Variants in KDM2A observed in about 807,000 individuals in gnomAD.
KDM2A encodes lysine demethylase 2A.
KDM2A carries 3 observed loss-of-function variants against 137.3 expected under a neutral mutation model. The observed-to-expected ratio is 0.02, with a 90% CI of 0.01 to 0.06. KDM2A has a LOEUF of 0.06. Ranked by LOEUF, KDM2A falls within the 10% of genes least tolerant of loss-of-function variation. The probability of loss-of-function intolerance (pLI) is 1.00; values close to 1 mark genes in which losing one functional copy is unlikely to be tolerated. For synonymous variants in KDM2A, 512 were observed against 541.5 expected (o/e 0.95, Z 0.76); for missense variants, 738 against 1,510.6 (o/e 0.49, Z 8.48).
chr11:67,230,717 C>G (rs1232291602), intron 11 of KDM2A, among the ~76,000 whole-genome samples: 1 of 151,480 alleles, frequency 6.6e-6, no homozygotes, highest in African/African-American at 2.4e-5. Flanking sequence ...TTGTACTGTT[C>G]AGTTGTTATC....
At chr11:67,209,530 G>C (rs943734649) in intron 6 of KDM2A, among the ~76,000 whole-genome samples, 6 of 151,546 alleles carry the variant, frequency 4.0e-5, no homozygotes, top group African/African-American at 1.5e-4. Context: ...TGCAGCCTCC[G>C]CCTCCCAGGT....
chr11:67,228,505 A>G (rs1480443821), intron 11 of KDM2A, among the ~76,000 whole-genome samples: 1 of 152,010 alleles, frequency 6.6e-6, no homozygotes, highest in Non-Finnish European at 1.5e-5. Flanking sequence ...AGCCTGGGAA[A>G]CATGGCAAAA....
At position 67,143,657 on chromosome 11, in the gene KDM2A, G is replaced by A. The variant is rs76863019; in HGVS notation, c.42+22299G>A. ...TTTATTTATTTATTTTTTTGAGATA[G>A]GGTCTCACTCCATCTCCCAGGCTGG... On this transcript the variant is annotated intron_variant, in intron 2 of 20. Transcript: ENST00000529006. Among the ~76,000 whole-genome samples, 1,152 of 151,330 alleles carry A rather than the reference G, an allele frequency of 7.6e-3. 16 individuals are homozygous for A. Among genetic ancestry groups the A allele is most frequent in the Middle Eastern group, 0.034 (10 of 294 alleles).
At chr11:67,122,255 A>C (rs1855613152) in intron 2 of KDM2A, among the ~76,000 whole-genome samples, 1 of 152,218 alleles carries the variant, frequency 6.6e-6, no homozygotes, top group Non-Finnish European at 1.5e-5. Context: ...GACTGAATTT[A>C]GGAGAAAAAG....
intron 10 of KDM2A, among the ~76,000 whole-genome samples, chr11:67,225,801 A>G (rs1858524183): frequency 6.6e-6 from 1 of 151,864 alleles, no homozygotes; most frequent in Admixed American, 6.6e-5. Flanking sequence ...ACGGTGGCTC[A>G]TGCCTGTAAT....
At chr11:67,237,163 A>T (rs1372503756) in intron 12 of KDM2A, among the ~76,000 whole-genome samples, 2 of 152,212 alleles carry the variant, frequency 1.3e-5, no homozygotes, top group Non-Finnish European at 2.9e-5. Context: ...GAAAATTGTT[A>T]TTTGTGATGT....
chr11:67,213,133 C>T (rs1051282209), intron 6 of KDM2A, among the ~76,000 whole-genome samples: 8 of 152,210 alleles, frequency 5.3e-5, no homozygotes, highest in South Asian at 2.1e-4. Flanking sequence ...TCTAAACACT[C>T]TCCCACAGTT....
intron 2 of KDM2A, among the ~76,000 whole-genome samples, chr11:67,144,928 T>C (rs1856208778): frequency 6.6e-6 from 1 of 151,568 alleles, no homozygotes; most frequent in Non-Finnish European, 1.5e-5. Context: ...GGAGTGCCAG[T>C]GGCGCAATCT....
chr11:67,199,106 A>G (rs1590774952), intron 5 of KDM2A, among the ~76,000 whole-genome samples: 1 of 152,112 alleles, frequency 6.6e-6, no homozygotes, highest in Admixed American at 6.5e-5. Context: ...CATTACTATT[A>G]TACTTGTTTT....
intron 2 of KDM2A, among the ~76,000 whole-genome samples, chr11:67,158,093 C>G (rs940614379): frequency 1.3e-5 from 2 of 150,558 alleles, no homozygotes; most frequent in African/African-American, 4.8e-5. Flanking sequence ...CTGTGCACCA[C>G]TTATTCATCC....
chr11:67,252,633 C>T lies in KDM2A; in HGVS notation c.2769-61C>T, dbSNP rs770078713. On this transcript the variant is annotated intron_variant, in intron 17 of 20. Coordinates refer to ENST00000529006, the MANE Select transcript of KDM2A (RefSeq NM_012308.3). Reference sequence around the variant, plus strand: ...GCTTTTCCCAGAAGCCATAAGCAGCCTGTGATGGGAGCTCCACTGATCAAG... The same window carrying T: ...GCTTTTCCCAGAAGCCATAAGCAGCTTGTGATGGGAGCTCCACTGATCAAG... The T allele has an allele frequency of 3.8e-6, 6 of 1,577,502 alleles. No individual in the cohort carries two copies. The African/African-American group carries it at 4.0e-5, about 11-fold the overall frequency.
intron 2 of KDM2A, among the ~76,000 whole-genome samples, chr11:67,126,621 T>C (rs564129952): frequency 1.3e-5 from 2 of 151,422 alleles, no homozygotes; most frequent in South Asian, 4.2e-4. Flanking sequence ...GACAGGAGAA[T>C]TGCTTGAACT....
intron 6 of KDM2A, among the ~76,000 whole-genome samples, chr11:67,214,199 C>T (rs960357613): frequency 3.4e-4 from 22 of 64,992 alleles, no homozygotes; most frequent in East Asian, 2.0e-3. Flanking sequence ...CGCCACCATG[C>T]GCAGCTAATT....
At chr11:67,157,746 CAAAA>C (rs34189357) in intron 2 of KDM2A, among the ~76,000 whole-genome samples, 2 of 78,064 alleles carry the variant, frequency 2.6e-5, no homozygotes, top group Admixed American at 2.4e-4. Context: ...ACTCCGTCTC[CAAAA>C]AAAAAAAAAA....
intron 2 of KDM2A, among the ~76,000 whole-genome samples, chr11:67,154,094 T>C (rs1322410487): frequency 6.6e-6 from 1 of 152,136 alleles, no homozygotes; most frequent in African/African-American, 2.4e-5. Flanking sequence ...TAAATAAAAT[T>C]TTATAGCTCT....
chr11:67,188,328 A>G (rs953441139), intron 5 of KDM2A, among the ~76,000 whole-genome samples: 48 of 151,910 alleles, frequency 3.2e-4, no homozygotes, highest in African/African-American at 9.2e-4. Context: ...TAAAAATACA[A>G]AATATTAGCC....
chr11:67,253,390 G>A (rs1008914905), intron 18 of KDM2A, 63 bp from the exon 19 acceptor site: 3 of 1,455,650 alleles, frequency 2.1e-6, no homozygotes, highest in Non-Finnish European at 2.9e-6. Flanking sequence ...TGCTCAGATC[G>A]TTACGGCTCT....
chr11:67,242,136 TAA>T (rs1859062724), intron 12 of KDM2A, among the ~76,000 whole-genome samples: 1 of 152,216 alleles, frequency 6.6e-6, no homozygotes, highest in African/African-American at 2.4e-5. Context: ...GTGATTCACT[TAA>T]GTGGCATTTT....
chr11:67,123,261 G>A (rs538616414), intron 2 of KDM2A, among the ~76,000 whole-genome samples: 19 of 144,190 alleles, frequency 1.3e-4, no homozygotes, highest in African/African-American at 4.0e-4. Context: ...ACAAGCGTGA[G>A]CCACAGTACC....
Sources: gnomAD v4.1 joint callset for allele counts (sites outside exome capture counted in the v4.1 genomes callset) on GRCh38, gnomAD v4.1.1 for gene constraint, MANE v1.5 for transcripts, NCBI Gene and HGNC (gene_info 2026-07-23, HGNC 2026-07-21) for gene names.